Variants in RBMS3 observed in about 807,000 individuals in gnomAD.
RBMS3 encodes the protein RNA-binding motif, single-stranded-interacting protein 3.
In RBMS3, 27 loss-of-function variants were observed where a neutral mutation model predicts 66.8. The ratio of observed to expected loss-of-function variants is 0.40; its 90% CI spans 0.30 to 0.56. The LOEUF (loss-of-function observed/expected upper bound fraction) is 0.56, where lower values mean the gene tolerates loss of function less well. RBMS3 is among the 20% of genes least tolerant of loss of function. The pLI, the probability that RBMS3 is intolerant of heterozygous loss-of-function variation, is 0.40. For synonymous variants in RBMS3, 188 were observed against 183.0 expected, an observed-to-expected ratio of 1.03 and a Z score of -0.22; for missense variants, 513 against 549.5, an observed-to-expected ratio of 0.93 and a Z score of 0.66.
intron 14 of RBMS3, among the ~76,000 whole-genome samples, chr3:30,000,120 G>C (rs1229741621): frequency 2.6e-5 from 4 of 151,974 alleles, no homozygotes; most frequent in South Asian, 4.1e-4. Flanking sequence ...GTACAGAATG[G>C]GAGAAAATGT....
intron 4 of RBMS3, among the ~76,000 whole-genome samples, chr3:29,689,446 A>G (rs2051878397): frequency 6.6e-6 from 1 of 152,180 alleles, no homozygotes; most frequent in South Asian, 2.1e-4. Context: ...CATTTTGAAT[A>G]TTTAAAATTG....
chr3:29,431,087 T>A (rs1307662757), intron 1 of RBMS3, among the ~76,000 whole-genome samples: 2 of 152,162 alleles, frequency 1.3e-5, no homozygotes, highest in Admixed American at 6.5e-5. Context: ...AGTCATAGTT[T>A]TTGATGCTAG....
At chr3:29,783,953 G>A (rs926342668) in intron 6 of RBMS3, among the ~76,000 whole-genome samples, 6 of 151,870 alleles carry the variant, frequency 4.0e-5, no homozygotes, top group African/African-American at 1.2e-4. Context: ...AGACAAAGAA[G>A]GACATTATAT....
chr3:29,544,213 T>G (rs1446648384), intron 3 of RBMS3, among the ~76,000 whole-genome samples: 7 of 152,276 alleles, frequency 4.6e-5, no homozygotes. Flanking sequence ...TCAGTTTCAC[T>G]TTTGCTAGAG....
At chr3:29,542,549 C>G (rs1001510979) in intron 3 of RBMS3, among the ~76,000 whole-genome samples, 7 of 152,068 alleles carry the variant, frequency 4.6e-5, no homozygotes, top group African/African-American at 1.7e-4. Context: ...TTTGTAGGGA[C>G]GGGGTTTCAC....
chr3:29,995,116 C>T (rs1276749684), intron 14 of RBMS3, among the ~76,000 whole-genome samples: 4 of 152,142 alleles, frequency 2.6e-5, no homozygotes, highest in South Asian at 2.1e-4. Context: ...TCAAGAACTA[C>T]GTGAAGAATG....
chr3:29,657,663 T>C (rs986666725), intron 4 of RBMS3, among the ~76,000 whole-genome samples: 38 of 152,212 alleles, frequency 2.5e-4, no homozygotes, highest in African/African-American at 8.7e-4. Flanking sequence ...ATGTGTAATA[T>C]AACGATAAAA....
intron 1 of RBMS3, among the ~76,000 whole-genome samples, chr3:29,358,094 G>C (rs2037337147): frequency 6.6e-6 from 1 of 152,088 alleles, no homozygotes; most frequent in African/African-American, 2.4e-5. Flanking sequence ...TATTGCTTTT[G>C]GTGTTTTAGA....
At chr3:29,601,755 C>T (rs1419151814) in intron 4 of RBMS3, among the ~76,000 whole-genome samples, 2 of 151,990 alleles carry the variant, frequency 1.3e-5, no homozygotes, top group African/African-American at 4.8e-5. Context: ...GGACAAAATG[C>T]TCTGGTCACT....
intron 10 of RBMS3, among the ~76,000 whole-genome samples, chr3:29,907,145 G>A (rs891102623): frequency 6.6e-6 from 1 of 152,172 alleles, no homozygotes; most frequent in East Asian, 1.9e-4. Context: ...GTCCTGCCAT[G>A]TATCCCACTC....
rs2055139107 is a variant in RBMS3 at position 29,750,769 on chromosome 3, T to C, written c.557+10892T>C. ...TCTATTTGCCCATATAAACAGCATTTCTTATTTGACAATGCTTCCTATATG... is the reference window on the plus strand; with the variant it reads ...TCTATTTGCCCATATAAACAGCATTCCTTATTTGACAATGCTTCCTATATG... On this transcript the variant is annotated intron_variant, in intron 5 of 14. Coordinates refer to ENST00000383767, the MANE Select transcript of RBMS3 (RefSeq NM_001003793.3). 2.0e-5 allele frequency among the ~76,000 whole-genome samples: 3 copies of C among 152,172 alleles called. No individual in the cohort carries two copies. In the South Asian group the frequency reaches 6.2e-4, roughly 32 times the overall value.
At chr3:29,905,044 T>C (rs998426323) in intron 10 of RBMS3, among the ~76,000 whole-genome samples, 1 of 152,050 alleles carries the variant, frequency 6.6e-6, no homozygotes, top group African/African-American at 2.4e-5. Flanking sequence ...TCAGTCTTTC[T>C]TTTAGAACAA....
chr3:29,557,776 G>A (rs930018090), intron 3 of RBMS3, among the ~76,000 whole-genome samples: 1 of 152,070 alleles, frequency 6.6e-6, no homozygotes, highest in Admixed American at 6.6e-5. Flanking sequence ...TGGATAAATG[G>A]TAAACAAACA....
intron 10 of RBMS3, among the ~76,000 whole-genome samples, chr3:29,909,848 C>A (rs1396078434): frequency 6.6e-6 from 1 of 152,018 alleles, no homozygotes; most frequent in Admixed American, 6.6e-5. Context: ...TTACTAACAA[C>A]CTTTAAAATG....
At chr3:29,513,792 G>A (rs928139249) in intron 3 of RBMS3, among the ~76,000 whole-genome samples, 1 of 152,130 alleles carries the variant, frequency 6.6e-6, no homozygotes, top group Non-Finnish European at 1.5e-5. Context: ...TTGGGCCACA[G>A]TCAAGCTTAT....
At chr3:29,942,389 A>G (rs1559823097) in intron 11 of RBMS3, among the ~76,000 whole-genome samples, 1 of 151,556 alleles carries the variant, frequency 6.6e-6, no homozygotes, top group Non-Finnish European at 1.5e-5. Context: ...GCATTACATT[A>G]TTGTGTGCCC....
At chr3:29,372,466 T>A (rs113244658) in intron 1 of RBMS3, among the ~76,000 whole-genome samples, 8 of 152,182 alleles carry the variant, frequency 5.3e-5, no homozygotes, top group Non-Finnish European at 7.3e-5. Context: ...AACAGGATGT[T>A]ACCTAGTAAA....
At chr3:29,917,849 C>T (rs2060678551) in intron 10 of RBMS3, among the ~76,000 whole-genome samples, 1 of 152,126 alleles carries the variant, frequency 6.6e-6, no homozygotes, top group Non-Finnish European at 1.5e-5. Flanking sequence ...AAATTCCAGG[C>T]ATCAGCAAGA....
chr3:29,750,379 G>A (rs73044208), intron 5 of RBMS3, among the ~76,000 whole-genome samples: 1 of 152,132 alleles, frequency 6.6e-6, no homozygotes, highest in South Asian at 2.1e-4. Flanking sequence ...AGTAGCCATG[G>A]TCAAAGATAC....
Sources: allele counts gnomAD v4.1 joint callset (sites outside exome capture counted in the v4.1 genomes callset), GRCh38; gene constraint gnomAD v4.1.1; transcripts MANE v1.5; gene names NCBI Gene and HGNC (gene_info 2026-07-23, HGNC 2026-07-21).